PRPSAP2: variants seen among roughly 807,000 people sequenced by gnomAD.
The protein encoded by PRPSAP2 is phosphoribosyl pyrophosphate synthetase associated protein 2.
Under a neutral mutation model 40.6 loss-of-function variants are expected in PRPSAP2, and 24 were observed. That is an observed-to-expected ratio of 0.59 (90% CI 0.43 to 0.83). The LOEUF (loss-of-function observed/expected upper bound fraction) is 0.83. Among genes scored for constraint, PRPSAP2 ranks in the 40% least tolerant of loss-of-function variants. The pLI, the probability that PRPSAP2 is intolerant of heterozygous loss-of-function variation, is 0.00. For synonymous variants in PRPSAP2, 149 were observed against 164.7 expected, an observed-to-expected ratio of 0.90 and a Z score of 0.73; for missense variants, 292 against 465.6, an observed-to-expected ratio of 0.63 and a Z score of 3.43.
At chr17:18,917,953 A>G (rs1048897158) in intron 9 of PRPSAP2, among the ~76,000 whole-genome samples, 4 of 152,070 alleles carry the variant, frequency 2.6e-5, no homozygotes, top group Non-Finnish European at 5.9e-5. Context: ...GCTTTTCAGC[A>G]TATAAGGGAC....
intron 9 of PRPSAP2, among the ~76,000 whole-genome samples, chr17:18,920,070 C>T (rs2041607035): frequency 6.6e-6 from 1 of 152,184 alleles, no homozygotes; most frequent in Admixed American, 6.5e-5. Context: ...GAATCCTTGC[C>T]TGGCCTCAGA....
intron 8 of PRPSAP2, chr17:18,908,662 C>T (rs2040757515): frequency 1.4e-6 from 1 of 722,176 alleles, no homozygotes; most frequent in Non-Finnish European, 2.6e-6. Context: ...CAACGAGTGC[C>T]CCAAGCCAGA....
At chr17:18,866,616 A>G (rs2037452945) in intron 3 of PRPSAP2, among the ~76,000 whole-genome samples, 1 of 152,192 alleles carries the variant, frequency 6.6e-6, no homozygotes, top group African/African-American at 2.4e-5. Context: ...ATAGTTTAGT[A>G]TAATTTTAGA....
At chr17:18,912,844 G>A (rs1036802777) in intron 9 of PRPSAP2, among the ~76,000 whole-genome samples, 7 of 152,172 alleles carry the variant, frequency 4.6e-5, no homozygotes, top group Admixed American at 6.6e-5. Context: ...AGACCAAAAG[G>A]GAGAAGTAGG....
chr17:18,879,377 C>T (rs1417181595), intron 6 of PRPSAP2, among the ~76,000 whole-genome samples: 2 of 152,054 alleles, frequency 1.3e-5, no homozygotes, highest in Non-Finnish European at 2.9e-5. Context: ...CTCCACCACC[C>T]GGGTTCAAGC....
At chr17:18,910,876 C>T (rs1199112183) in intron 8 of PRPSAP2, among the ~76,000 whole-genome samples, 1 of 152,186 alleles carries the variant, frequency 6.6e-6, no homozygotes, top group African/African-American at 2.4e-5. Flanking sequence ...CAGACCAGGC[C>T]AGGCTGCTGC....
At chr17:18,883,213 T>C (rs917521218) in intron 7 of PRPSAP2, among the ~76,000 whole-genome samples, 3 of 152,128 alleles carry the variant, frequency 2.0e-5, no homozygotes, top group Non-Finnish European at 2.9e-5. Flanking sequence ...TCATTTTTTT[T>C]CCTTCATTCT....
At chr17:18,858,015 C>G (rs1177857562), upstream of PRPSAP2, 1 of 146,770 alleles carries the variant, frequency 6.8e-6, no homozygotes, top group Non-Finnish European at 1.5e-5. Context: ...ACCCCTGTGG[C>G]TACACCCACT....
intron 5 of PRPSAP2, among the ~76,000 whole-genome samples, chr17:18,873,752 G>A (rs1003625260): frequency 1.3e-5 from 2 of 152,250 alleles, no homozygotes; most frequent in African/African-American, 2.4e-5. Context: ...GAAGGAATGT[G>A]TATTCCTGTC....
chr17:18,919,371 G>A (rs998366787), intron 9 of PRPSAP2, among the ~76,000 whole-genome samples: 2 of 152,096 alleles, frequency 1.3e-5, no homozygotes, highest in African/African-American at 2.4e-5. Flanking sequence ...AGCCAGGTGT[G>A]GTGGTTCGTG....
At chr17:18,909,733 C>T (rs1471866559) in intron 8 of PRPSAP2, among the ~76,000 whole-genome samples, 7 of 151,404 alleles carry the variant, frequency 4.6e-5, no homozygotes, top group South Asian at 2.1e-4. Context: ...GACAAAACCC[C>T]GTCTCTACAA....
intron 8 of PRPSAP2, chr17:18,908,333 A>G: frequency 1.3e-6 from 1 of 776,590 alleles, no homozygotes; most frequent in East Asian, 2.4e-5. Flanking sequence ...AGATGAGTCC[A>G]ACCATGACCC....
At chr17:18,923,783 T>G (rs2041825945) in intron 9 of PRPSAP2, 131 bp from the exon 10 acceptor site, 5 of 836,172 alleles carry the variant, frequency 6.0e-6, no homozygotes, top group East Asian at 2.7e-5. Flanking sequence ...TAGTTGCCCT[T>G]AATCAGATTG....
Position 18,908,049 on chromosome 17 carries a change from A to C in PRPSAP2, c.585-3054A>C, listed in dbSNP as rs1471054172. On this transcript the variant is annotated intron_variant, in intron 8 of 11. Transcript: ENST00000268835. ...GCTACTCGGGAGGCTGAGACAGGAG[A>C]ATCACTTGATCCAGAGGTGGAGGCT... is the stretch of plus-strand genomic sequence containing the variant. Among the ~76,000 whole-genome samples the C allele has an allele frequency of 2.0e-5, 3 of 152,112 alleles. No individual in the cohort carries two copies. The East Asian group carries it at 5.8e-4, about 29-fold the overall frequency.
intron 8 of PRPSAP2, among the ~76,000 whole-genome samples, chr17:18,909,954 T>A (rs1271287224): frequency 6.6e-6 from 1 of 152,100 alleles, no homozygotes; most frequent in Non-Finnish European, 1.5e-5. Flanking sequence ...GTATGAATGT[T>A]CACAGCAGCT....
chr17:18,867,997 G>A (rs1357980786), intron 4 of PRPSAP2, among the ~76,000 whole-genome samples: 1 of 151,828 alleles, frequency 6.6e-6, no homozygotes, highest in Non-Finnish European at 1.5e-5. Flanking sequence ...TTAGCCAGGA[G>A]TGGTGGTTTG....
intron 7 of PRPSAP2, 92 bp downstream of exon 7, chr17:18,882,775 C>T: frequency 2.4e-6 from 2 of 817,868 alleles, no homozygotes; most frequent in Non-Finnish European, 4.1e-6. Context: ...AGGATTAAAA[C>T]TTGATGTATT....
intron 9 of PRPSAP2, among the ~76,000 whole-genome samples, chr17:18,917,897 G>A (rs2041462441): frequency 6.6e-6 from 1 of 151,988 alleles, no homozygotes; most frequent in South Asian, 2.1e-4. Context: ...TCCCAGGGAG[G>A]AGATTTATCA....
chr17:18,908,660 G>A (rs994568368), intron 8 of PRPSAP2: 3 of 721,520 alleles, frequency 4.2e-6, no homozygotes, highest in Non-Finnish European at 7.7e-6. Flanking sequence ...GCCAACGAGT[G>A]CCCCAAGCCA....
Sources: allele counts gnomAD v4.1 joint callset (sites outside exome capture counted in the v4.1 genomes callset), GRCh38; gene constraint gnomAD v4.1.1; transcripts MANE v1.5; gene names NCBI Gene and HGNC (gene_info 2026-07-23, HGNC 2026-07-21).